Variants in KCNH4 observed in about 807,000 individuals in gnomAD.
KCNH4 encodes voltage-gated delayed rectifier potassium channel KCNH4.
A neutral mutation model predicts 90.7 loss-of-function variants in KCNH4; 33 were observed. That is an observed-to-expected ratio of 0.36 (90% CI 0.28 to 0.49). The LOEUF (loss-of-function observed/expected upper bound fraction) is 0.49. Among genes scored for constraint, KCNH4 ranks in the 20% least tolerant of loss-of-function variants. The pLI, the probability that KCNH4 is intolerant of heterozygous loss-of-function variation, is 0.98. For synonymous variants in KCNH4, 551 were observed against 581.7 expected (o/e 0.95, Z 0.76); for missense variants, 1,044 against 1,387.1 (o/e 0.75, Z 3.93).
chr17:42,174,814 C>A (rs903478968), intron 6 of KCNH4, among the ~76,000 whole-genome samples: 1 of 152,110 alleles, frequency 6.6e-6, no homozygotes, highest in Non-Finnish European at 1.5e-5. Context: ...CAGGTCCTGG[C>A]ATTCTTTGCC....
At chr17:42,179,489 A>G (rs2079886782) in intron 1 of KCNH4, among the ~76,000 whole-genome samples, 2 of 152,234 alleles carry the variant, frequency 1.3e-5, no homozygotes, top group African/African-American at 4.8e-5. Context: ...TGAGAGTTAC[A>G]TGAGTTAACT....
At chr17:42,171,363 T>A (rs1396115505) in intron 7 of KCNH4, among the ~76,000 whole-genome samples, 1 of 151,936 alleles carries the variant, frequency 6.6e-6, no homozygotes. Context: ...ATGCCCGGGA[T>A]CTGACAGGCC....
intron 15 of KCNH4, among the ~76,000 whole-genome samples, chr17:42,161,904 G>T (rs911580315): frequency 1.3e-5 from 2 of 151,894 alleles, no homozygotes; most frequent in African/African-American, 4.8e-5. Flanking sequence ...AGTTCAGAGT[G>T]GTTGTGGGAC....
chr17:42,163,456 G>A lies in KCNH4; in HGVS notation c.2478-122C>T, dbSNP rs968818158. 6.0e-5 allele frequency: 49 copies of A among 814,360 alleles called. No homozygotes were observed. The Admixed American group carries it at 1.1e-3, about 18-fold the overall frequency. 50.4% of individuals were successfully genotyped at this position (814,360 alleles called of 1,614,324 possible). On this transcript the variant is annotated intron_variant, in intron 13 of 16. Transcript: ENST00000264661. The surrounding 1 kb of genome is among the most constrained non-coding windows in gnomAD (Gnocchi z 5.4). ...GGAGCAAGAGCAGCAGTCAAAGTGG[G>A]TTGGGGTTGCAAGCTGTGGTTGGAA...
rs376973353 is a variant in KCNH4 at position 42,160,451 on chromosome 17, C to G, written c.2659-16G>C. 5.1e-5 allele frequency: 80 copies of G among 1,563,360 alleles called. No homozygotes were observed. Among genetic ancestry groups the G allele is most frequent in the Non-Finnish European group, 6.4e-5 (74 of 1,149,576 alleles). ...GACGAGAGATCTGTTGAAAACACAT[C>G]GAGTTGTTTCACAGGTGCCACAGTA... On this transcript the variant is annotated splice_polypyrimidine_tract_variant and intron_variant, in intron 15 of 16. Coordinates refer to ENST00000264661, the MANE Select transcript of KCNH4 (RefSeq NM_012285.3).
rs996990187 is a variant in KCNH4 at position 42,163,169 on chromosome 17, G to A, written c.2584+59C>T. Reference sequence around the variant, plus strand: ...GGTAGGCCCCTACTACATATGGGATGGATGGACAGGTGGATGGGCAGATGG... The same window carrying A: ...GGTAGGCCCCTACTACATATGGGATAGATGGACAGGTGGATGGGCAGATGG... On this transcript the variant is annotated intron_variant, in intron 14 of 16. Transcript: ENST00000264661. This position sits in a 1 kb window ranked among gnomAD's most constrained non-coding sequence, Gnocchi z 5.4. 1.7e-6 allele frequency: 2 copies of A among 1,180,234 alleles called. No homozygotes were observed. The highest frequency in any genetic ancestry group is 1.7e-5 in the Admixed American group (1 of 59,154). 73.1% of individuals were successfully genotyped at this position (1,180,234 alleles called of 1,614,324 possible).
chr17:42,167,286 A>G (rs1430516124), intron 9 of KCNH4, among the ~76,000 whole-genome samples: 1 of 151,552 alleles, frequency 6.6e-6, no homozygotes, highest in African/African-American at 2.4e-5. Context: ...TTTTTTTTTG[A>G]GGCAGAGTCT....
At chr17:42,165,196 T>G (rs1181399990) in intron 11 of KCNH4, among the ~76,000 whole-genome samples, 2 of 145,780 alleles carry the variant, frequency 1.4e-5, no homozygotes, top group African/African-American at 2.6e-5. Context: ...GGCTGAGGGG[T>G]GGTCAGCAGG....
Position 42,160,390 on chromosome 17 carries a change from G to A in KCNH4, c.2704C>T (p.Arg902Trp), listed in dbSNP as rs760437588. ...QEVSQLSREL[R>W]HIMGLLQARL... ...GCCTGCAGCAGGCCCATGATGTGCC[G>A]CAGCTCCCGGCTAAGCTGAGACACC... Residue 902 changes from arginine to tryptophan, a missense_variant, in exon 16 of 17, where the codon CGG becomes TGG. Around this residue, in one of 4 missense-constraint regions of KCNH4, gnomAD observed 441 missense variants for 512.3 expected, o/e 0.86. Coordinates refer to ENST00000264661, the MANE Select transcript of KCNH4 (RefSeq NM_012285.3). 13 of 1,611,592 alleles carry A rather than the reference G, an allele frequency of 8.1e-6. No homozygotes were observed. The highest frequency in any genetic ancestry group is 1.6e-4 in the Middle Eastern group (1 of 6,062).
intron 10 of KCNH4, 31 bp downstream of exon 10, chr17:42,166,266 G>A (rs779444914): frequency 5.7e-6 from 9 of 1,566,866 alleles, no homozygotes; most frequent in Non-Finnish European, 7.8e-6. Context: ...GTGGTTCCAG[G>A]GTAGGTAGTA....
rs1567643967 is a variant in KCNH4 at position 42,179,042 on chromosome 17, G to A, written c.77-16C>T. 6.2e-7 allele frequency: 1 copy of A among 1,602,572 alleles called. No individual in the cohort carries two copies. Among genetic ancestry groups the A allele is most frequent in the East Asian group, 2.2e-5 (1 of 44,670 alleles). On this transcript the variant is annotated splice_polypyrimidine_tract_variant and intron_variant, in intron 1 of 16. Coordinates refer to ENST00000264661, the MANE Select transcript of KCNH4 (RefSeq NM_012285.3). ...AAGTTGCTGTCTGTGGGAAGAAGAGGTCAAGGTCAGGTCAAGGCTGGGAGG... is the reference window on the plus strand; with the variant it reads ...AAGTTGCTGTCTGTGGGAAGAAGAGATCAAGGTCAGGTCAAGGCTGGGAGG...
Position 42,176,233 on chromosome 17 carries a change from C to T in KCNH4, c.650G>A (p.Cys217Tyr). 6.2e-7 allele frequency: 1 copy of T among 1,613,902 alleles called. No homozygotes were observed. The highest frequency in any genetic ancestry group is 8.5e-7 in the Non-Finnish European group (1 of 1,179,972). ...YKVASVGGSR[C>Y]LLLHYSVSKA... Reference sequence around the variant, plus strand: ...GGAGACGCTGTAGTGGAGGAGGAGGCAGCGAGACCCCCCCACGGAGGCCAC... The same window carrying T: ...GGAGACGCTGTAGTGGAGGAGGAGGTAGCGAGACCCCCCCACGGAGGCCAC... Residue 217 changes from cysteine to tyrosine, a missense_variant, in exon 5 of 17, where the codon TGC becomes TAC. Cys to Tyr is a radical substitution (Grantham distance 194, BLOSUM62 -2). Around this residue, in one of 4 missense-constraint regions of KCNH4, gnomAD observed 283 missense variants for 378.6 expected, o/e 0.75. Transcript: ENST00000264661.
chr17:42,163,983 G>A lies in KCNH4; in HGVS notation c.2125-25C>T. The A allele has an allele frequency of 6.6e-7, 1 of 1,512,616 alleles. No individual in the cohort carries two copies. The highest frequency in any genetic ancestry group is 8.9e-7 in the Non-Finnish European group (1 of 1,127,438). 93.7% of individuals were successfully genotyped at this position (1,512,616 alleles called of 1,614,324 possible). A position where few individuals can be genotyped will look rare whatever the true frequency, so the allele number is the denominator to read the frequency against. The stretch of plus-strand genomic sequence containing the variant: ...GCTGCGGGCAGAGGGGGCAGCTGAT[G>A]TCGCAGGACAGTGAACAACAGACCC... On this transcript the variant is annotated intron_variant, in intron 12 of 16. Coordinates refer to ENST00000264661, the MANE Select transcript of KCNH4 (RefSeq NM_012285.3). The surrounding 1 kb of genome is among the most constrained non-coding windows in gnomAD (Gnocchi z 5.4).
At chr17:42,161,273 G>A in intron 15 of KCNH4, among the ~76,000 whole-genome samples, 1 of 152,204 alleles carries the variant, frequency 6.6e-6, no homozygotes, top group East Asian at 1.9e-4. Flanking sequence ...CACTGGCCTA[G>A]AATTGAGGGA....
intron 12 of KCNH4, 76 bp downstream of exon 12, chr17:42,164,054 A>T: frequency 2.6e-6 from 4 of 1,513,964 alleles, no homozygotes; most frequent in Non-Finnish European, 3.6e-6. Context: ...CTCCCCATCC[A>T]TGGAAAGGGG....
intron 4 of KCNH4, among the ~76,000 whole-genome samples, chr17:42,176,507 T>C (rs368115825): frequency 6.4e-5 from 8 of 124,112 alleles, no homozygotes; most frequent in African/African-American, 2.4e-4. Flanking sequence ...CAGGCCCTCC[T>C]CCTTTTTTTT....
rs976173745 is a variant in KCNH4 at position 42,176,250 on chromosome 17, G to A, written c.633C>T (p.Ser211=). 16 of 1,613,662 alleles carry A rather than the reference G, an allele frequency of 9.9e-6. No homozygotes were observed. The highest frequency in any genetic ancestry group is 6.6e-5 in the South Asian group (6 of 91,078). Reference sequence around the variant, plus strand: ...GGAGGAGGCAGCGAGACCCCCCCACGGAGGCCACCTTGTACTCGGGCACTG... The same window carrying A: ...GGAGGAGGCAGCGAGACCCCCCCACAGAGGCCACCTTGTACTCGGGCACTG... The part of the protein sequence containing the change: ...KPSVPEYKVA[S]VGGSRCLLLH... Residue 211 remains serine, a synonymous_variant, in exon 5 of 17, where the codon TCC becomes TCT. Transcript: ENST00000264661.
chr17:42,158,198 G>C (rs1450418581), intron 16 of KCNH4, among the ~76,000 whole-genome samples: 3 of 151,400 alleles, frequency 2.0e-5, no homozygotes, highest in African/African-American at 7.3e-5. Flanking sequence ...AAAGTGCTGG[G>C]ATTACAGGCG....
At chr17:42,164,833 T>C (rs1183406241) in intron 11 of KCNH4, among the ~76,000 whole-genome samples, 1 of 143,664 alleles carries the variant, frequency 7.0e-6, no homozygotes, top group East Asian at 2.1e-4. Context: ...AGACCGGGCA[T>C]TGTGGCTCAT....
Sources: gnomAD v4.1 joint callset for allele counts (sites outside exome capture counted in the v4.1 genomes callset) on GRCh38, gnomAD v4.1.1 for gene constraint, gnomAD v4.1.1 regional missense constraint, Gnocchi (gnomAD v3.1) non-coding constraint, MANE v1.5 for transcripts, NCBI Gene and HGNC (gene_info 2026-07-23, HGNC 2026-07-21) for gene names.